WWC1: variants seen among roughly 807,000 people sequenced by gnomAD.
The protein encoded by WWC1 is WW and C2 domain containing 1.
In WWC1, 55 loss-of-function variants were observed where a neutral mutation model predicts 138.4. The observed-to-expected ratio is 0.40, with a 90% CI of 0.32 to 0.50. The LOEUF is 0.50. Ranked by LOEUF, WWC1 falls within the 20% of genes least tolerant of loss-of-function variation. The probability of loss-of-function intolerance (pLI) is 0.72; values close to 1 mark genes in which losing one functional copy is unlikely to be tolerated. For synonymous variants in WWC1, 524 were observed against 564.9 expected (o/e 0.93, Z 1.03); for missense variants, 1,226 against 1,420.4 (o/e 0.86, Z 2.20).
chr5:168,321,012 C>A (rs1411828253), intron 1 of WWC1, among the ~76,000 whole-genome samples: 4 of 152,086 alleles, frequency 2.6e-5, no homozygotes, highest in Non-Finnish European at 2.9e-5. Flanking sequence ...CCTTAAATTA[C>A]GGCAGTTAGC....
intron 1 of WWC1, among the ~76,000 whole-genome samples, chr5:168,362,789 G>A (rs1775976275): frequency 1.3e-5 from 2 of 152,196 alleles, no homozygotes; most frequent in African/African-American, 2.4e-5. Context: ...AAGGGCACAG[G>A]TGTGTGATCT....
chr5:168,454,194 T>C, intron 18 of WWC1, 94 bp downstream of exon 18: 1 of 1,536,006 alleles, frequency 6.5e-7, no homozygotes, highest in South Asian at 1.3e-5. Flanking sequence ...AGCTAAGTCT[T>C]GGCTTCCAGC....
intron 17 of WWC1, among the ~76,000 whole-genome samples, chr5:168,451,024 A>T (rs1409982857): frequency 6.6e-6 from 1 of 152,000 alleles, no homozygotes; most frequent in Non-Finnish European, 1.5e-5. Flanking sequence ...TTATTTATTT[A>T]TTTATTTTGA....
At chr5:168,402,597 G>T (rs1284462955) in intron 5 of WWC1, among the ~76,000 whole-genome samples, 8 of 152,080 alleles carry the variant, frequency 5.3e-5, no homozygotes, top group Non-Finnish European at 1.0e-4. Context: ...AGCACTTCAC[G>T]CCAGCCACCT....
chr5:168,419,883 G>A (rs1006497325), intron 9 of WWC1, among the ~76,000 whole-genome samples: 1 of 152,200 alleles, frequency 6.6e-6, no homozygotes, highest in African/African-American at 2.4e-5. Flanking sequence ...AAAGCCAGAG[G>A]TCTCTTCCAA....
rs76322554 is a variant in WWC1 at position 168,303,778 on chromosome 5, G to A, written c.119+11507G>A. Among the ~76,000 whole-genome samples the A allele has an allele frequency of 4.2e-3, 633 of 152,244 alleles. 6 individuals carry two copies. The highest frequency in any genetic ancestry group is 0.014 in the African/African-American group (577 of 41,544). ...TGGAACTGAGCCAGGACTCCCCTGC[G>A]CTGAGCTGCTCGGGAGAGGAAGGGT... On this transcript the variant is annotated intron_variant, in intron 1 of 22. Transcript: ENST00000265293.
chr5:168,344,323 GC>G (rs1390133920), intron 1 of WWC1, among the ~76,000 whole-genome samples: 2 of 152,186 alleles, frequency 1.3e-5, no homozygotes, highest in African/African-American at 4.8e-5. Flanking sequence ...GAGTTGGGTA[GC>G]CCACAGGAAA....
Position 168,428,078 on chromosome 5 carries a change from C to T in WWC1, c.1856C>T (p.Ser619Leu). ...QGCGLKVACV[S>L]AAVSDESVAG... ...TGTGGCCTGAAAGTGGCCTGTGTCTCAGCCGCCGTATCGGACGAGTCAGTG... is the reference window on the plus strand; with the variant it reads ...TGTGGCCTGAAAGTGGCCTGTGTCTTAGCCGCCGTATCGGACGAGTCAGTG... Residue 619 changes from serine to leucine, a missense_variant, in exon 12 of 23, where the codon TCA becomes TTA. Physicochemically the swap from Ser to Leu is moderately radical, Grantham distance 145 (BLOSUM62 -2). This residue lies in a region of WWC1 where 1,016 missense variants were observed against 1,153.9 expected (regional missense o/e 0.88). Coordinates refer to ENST00000265293, the MANE Select transcript of WWC1 (RefSeq NM_015238.3). 1 of 1,613,518 alleles carries T rather than the reference C, an allele frequency of 6.2e-7. No homozygotes were observed. The highest frequency in any genetic ancestry group is 8.5e-7 in the Non-Finnish European group (1 of 1,179,788).
intron 1 of WWC1, among the ~76,000 whole-genome samples, chr5:168,299,078 G>A (rs1247079688): frequency 2.0e-5 from 3 of 152,052 alleles, no homozygotes; most frequent in East Asian, 3.9e-4. Context: ...AGGGCGAAAC[G>A]CCATCTCAAA....
intron 11 of WWC1, among the ~76,000 whole-genome samples, chr5:168,427,548 A>ATTTTTTTTTTTTTTTTTTTTTTTTTT (rs34177139): frequency 9.9e-6 from 1 of 101,150 alleles, no homozygotes; most frequent in Non-Finnish European, 1.9e-5. Flanking sequence ...CTTTTTTTTA[A>ATTTTTTTTTTTTTTTTTTTTTTTTTT]TTTTTTTTTT....
intron 1 of WWC1, among the ~76,000 whole-genome samples, chr5:168,337,444 G>A (rs1773583662): frequency 6.6e-6 from 1 of 152,148 alleles, no homozygotes; most frequent in South Asian, 2.1e-4. Flanking sequence ...CTGGGAGGGT[G>A]CCTCTAAATG....
At chr5:168,446,548 A>G (rs1054240498) in intron 17 of WWC1, among the ~76,000 whole-genome samples, 5 of 152,236 alleles carry the variant, frequency 3.3e-5, no homozygotes, top group Admixed American at 2.0e-4. Context: ...AAATTCACCT[A>G]AGCATAGAGC....
At chr5:168,314,693 A>T (rs981025005) in intron 1 of WWC1, among the ~76,000 whole-genome samples, 38 of 152,320 alleles carry the variant, frequency 2.5e-4, no homozygotes, top group Admixed American at 2.4e-3. Context: ...GCCAGGGGGA[A>T]CCTGAGCCTG....
intron 1 of WWC1, among the ~76,000 whole-genome samples, chr5:168,367,864 A>T (rs78715279): frequency 1.3e-4 from 19 of 149,624 alleles, no homozygotes; most frequent in South Asian, 2.1e-4. Flanking sequence ...ATAAATTAAT[A>T]AAAAAAAAGA....
At chr5:168,295,260 T>G (rs765813337) in intron 1 of WWC1, among the ~76,000 whole-genome samples, 1 of 152,072 alleles carries the variant, frequency 6.6e-6, no homozygotes, top group Non-Finnish European at 1.5e-5. Context: ...TAAATATTAT[T>G]TCAAACCCTT....
intron 1 of WWC1, among the ~76,000 whole-genome samples, chr5:168,316,415 C>T (rs114835151): frequency 0.017 from 2,513 of 152,256 alleles, 59 homozygotes; most frequent in African/African-American, 0.058. Flanking sequence ...GAAGCTGGCT[C>T]GCTTATCTGC....
intron 1 of WWC1, among the ~76,000 whole-genome samples, chr5:168,362,566 G>A (rs749680295): frequency 2.6e-5 from 4 of 152,206 alleles, no homozygotes; most frequent in Non-Finnish European, 5.9e-5. Flanking sequence ...CACTGTAGTA[G>A]ATCAACAAAC....
chr5:168,405,170 A>G (rs1779685745), intron 5 of WWC1, among the ~76,000 whole-genome samples: 1 of 152,136 alleles, frequency 6.6e-6, no homozygotes, highest in African/African-American at 2.4e-5. Context: ...AATAGGTAGT[A>G]GGGCTGGGAG....
At chr5:168,366,689 G>T (rs1776316160) in intron 1 of WWC1, among the ~76,000 whole-genome samples, 1 of 151,778 alleles carries the variant, frequency 6.6e-6, no homozygotes. Context: ...TGGAGTTAAT[G>T]GTTTTCCAGA....
Sources: gnomAD v4.1 joint callset for allele counts (sites outside exome capture counted in the v4.1 genomes callset) on GRCh38, gnomAD v4.1.1 for gene constraint, gnomAD v4.1.1 regional missense constraint, MANE v1.5 for transcripts, NCBI Gene and HGNC (gene_info 2026-07-23, HGNC 2026-07-21) for gene names.